HECA: variants seen among roughly 807,000 people sequenced by gnomAD.
The protein encoded by HECA is headcase protein homolog.
A neutral mutation model predicts 37.6 loss-of-function variants in HECA; 13 were observed. The ratio of observed to expected loss-of-function variants is 0.35; its 90% CI spans 0.23 to 0.55. HECA has a LOEUF of 0.55. Among genes scored for constraint, HECA ranks in the 20% least tolerant of loss-of-function variants. The pLI is 0.90. For missense variants in HECA, 527 were observed against 701.9 expected (o/e 0.75, Z 2.82); for synonymous variants, 307 against 291.5 (o/e 1.05, Z -0.54).
chr6:139,171,946 TCAGCCTCATGAGTAGCTGGGA>T, intron 2 of HECA, among the ~76,000 whole-genome samples: 1 of 151,916 alleles, frequency 6.6e-6, no homozygotes, highest in East Asian at 1.9e-4. Context: ...TTCTCCTGCC[TCAGCCTCATGAGTAGCTGGGA>T]CTACAGGCGC....
At chr6:139,148,942 G>C (rs930949082) in intron 1 of HECA, among the ~76,000 whole-genome samples, 9 of 151,976 alleles carry the variant, frequency 5.9e-5, no homozygotes, top group African/African-American at 1.9e-4. Flanking sequence ...TTTGACACTT[G>C]TAGATAAAGA....
In HECA at chr6:139,159,864, G is replaced by A. The variant is rs9495364; in HGVS notation, c.272-6420G>A. Reference sequence around the variant, plus strand: ...ACCCAACTCCCCACCTGCTTATGGTGCAGCTGTTTTAAGGGGGATAAAAAT... The same window carrying A: ...ACCCAACTCCCCACCTGCTTATGGTACAGCTGTTTTAAGGGGGATAAAAAT... On this transcript the variant is annotated intron_variant, in intron 1 of 3. Transcript: ENST00000367658. 8.3e-3 allele frequency among the ~76,000 whole-genome samples: 1,265 copies of A among 152,272 alleles called. 18 individuals are homozygous for A. The highest frequency in any genetic ancestry group is 0.029 in the African/African-American group (1,216 of 41,542).
intron 1 of HECA, among the ~76,000 whole-genome samples, chr6:139,141,899 C>T (rs946122215): frequency 6.7e-6 from 1 of 149,644 alleles, no homozygotes; most frequent in Non-Finnish European, 1.5e-5. Context: ...ACTACAGGCA[C>T]ATGCCACCAT....
intron 1 of HECA, among the ~76,000 whole-genome samples, chr6:139,149,904 T>C (rs1489264176): frequency 6.6e-6 from 1 of 152,158 alleles, no homozygotes; most frequent in Non-Finnish European, 1.5e-5. Context: ...GTCCCTGAGC[T>C]CTCCTGATTT....
At chr6:139,150,099 G>T (rs1249385275) in intron 1 of HECA, among the ~76,000 whole-genome samples, 1 of 152,202 alleles carries the variant, frequency 6.6e-6, no homozygotes, top group Non-Finnish European at 1.5e-5. Context: ...GGGCCATATG[G>T]AGTGGAAGTT....
chr6:139,171,761 G>A (rs532688288), intron 2 of HECA, among the ~76,000 whole-genome samples: 5 of 152,080 alleles, frequency 3.3e-5, no homozygotes, highest in African/African-American at 1.2e-4. Context: ...CCAGTAGCTA[G>A]GACTGTAGGC....
At position 139,176,786 on chromosome 6, in the gene HECA, G is replaced by C. The variant is rs185322070; in HGVS notation, c.1468-155G>C. Among the ~76,000 whole-genome samples the C allele has an allele frequency of 3.9e-4, 60 of 152,278 alleles. No homozygotes were observed. In the East Asian group the frequency reaches 9.1e-3, roughly 23 times the overall value. On this transcript the variant is annotated intron_variant, in intron 3 of 3. Coordinates refer to ENST00000367658, the MANE Select transcript of HECA (RefSeq NM_016217.3). The surrounding 1 kb of genome is among the most constrained non-coding windows in gnomAD (Gnocchi z 4.5). ...TGCTGCATATCAGGAGAGAAGTTGG[G>C]AGTCTTTCAGGTATACCCCGTTTCC...
At chr6:139,142,838 C>G (rs774156045) in intron 1 of HECA, among the ~76,000 whole-genome samples, 11 of 152,200 alleles carry the variant, frequency 7.2e-5, no homozygotes, top group Non-Finnish European at 1.5e-4. Context: ...ATCTCAGCTA[C>G]TCAGGAGGCT....
At chr6:139,159,441 A>G (rs1774765718) in intron 1 of HECA, among the ~76,000 whole-genome samples, 5 of 152,166 alleles carry the variant, frequency 3.3e-5, no homozygotes, top group Admixed American at 3.3e-4. Flanking sequence ...ACTTACACAT[A>G]AATGTCTTTT....
rs777701910 is a variant in HECA at position 139,167,306 on chromosome 6, G to A, written c.1294G>A (p.Val432Ile). The change falls in exon 2 of 4, where the codon GTT (valine) becomes ATT (isoleucine). Residue 432 changes from valine to isoleucine, a missense_variant. Coordinates refer to ENST00000367658, the MANE Select transcript of HECA (RefSeq NM_016217.3). The part of the protein sequence containing the change: ...PSRHDEIEYD[V>I]PCHLQGRLMH... The stretch of plus-strand genomic sequence containing the variant: ...GAGACATGATGAGATCGAATATGAT[G>A]TTCCTTGTCACCTTCAAGGTATAGG... The A allele has an allele frequency of 1.9e-6, 3 of 1,596,310 alleles. No individual in the cohort carries two copies. The highest frequency in any genetic ancestry group is 1.7e-6 in the Non-Finnish European group (2 of 1,165,666).
chr6:139,149,973 T>G (rs1774631938), intron 1 of HECA, among the ~76,000 whole-genome samples: 1 of 152,240 alleles, frequency 6.6e-6, no homozygotes, highest in Non-Finnish European at 1.5e-5. Context: ...GCCTTGTTTT[T>G]GGCCTGTTGT....
chr6:139,180,083 G>A lies in HECA; in HGVS notation c.*2978G>A, dbSNP rs1197300205. On this transcript the variant is annotated 3_prime_UTR_variant, in exon 4 of 4. Transcript: ENST00000367658. ...TAATGGGTTTATACTTTAAAAGATA[G>A]ACATGGTGCCATGAAGTTGGGGAGT... The A allele has an allele frequency of 6.6e-6, 1 of 152,146 alleles. No homozygotes were observed. The highest frequency in any genetic ancestry group is 1.5e-5 in the Non-Finnish European group (1 of 68,022). 9.4% of individuals were successfully genotyped at this position (152,146 alleles called of 1,614,324 possible).
rs1378242199 is a variant in HECA at position 139,179,212 on chromosome 6, T to TAAG, written c.*2108_*2110dup. On this transcript the variant is annotated 3_prime_UTR_variant, in exon 4 of 4. Transcript: ENST00000367658. Reference sequence around the variant, plus strand: ...TCCTGTACCCAGATGCAAAAAGTGCTAAGTTTCTCTTGTCCTCGTAATACC... The same window carrying TAAG: ...TCCTGTACCCAGATGCAAAAAGTGCTAAGAAGTTTCTCTTGTCCTCGTAATACC... 6.6e-6 allele frequency: 1 copy of TAAG among 152,228 alleles called. No homozygotes were observed. The highest frequency in any genetic ancestry group is 1.5e-5 in the Non-Finnish European group (1 of 68,038). 9.4% of individuals were successfully genotyped at this position (152,228 alleles called of 1,614,324 possible).
intron 1 of HECA, among the ~76,000 whole-genome samples, chr6:139,147,687 A>G (rs1442241286): frequency 6.6e-6 from 1 of 152,226 alleles, no homozygotes; most frequent in African/African-American, 2.4e-5. Context: ...ACTTGACCCA[A>G]GGAAGCACTT....
In HECA at chr6:139,135,131, G is replaced by C. The variant is rs898246619; in HGVS notation, c.-266G>C. ...AGACCCGCCTTTTCCCTCCGGCTCG[G>C]GAGCGTCTCGCTTGCGCCCCGGGCC... On this transcript the variant is annotated 5_prime_UTR_variant, in exon 1 of 4. Coordinates refer to ENST00000367658, the MANE Select transcript of HECA (RefSeq NM_016217.3). The C allele has an allele frequency of 6.0e-6, 1 of 168,040 alleles. No individual in the cohort carries two copies. The highest frequency in any genetic ancestry group is 1.3e-5 in the Non-Finnish European group (1 of 78,824). The allele number at this position is 168,040 out of a possible 1,614,324, so 10.4% of individuals were successfully genotyped here.
chr6:139,155,365 G>A (rs1174335619), intron 1 of HECA, among the ~76,000 whole-genome samples: 3 of 152,140 alleles, frequency 2.0e-5, no homozygotes, highest in Non-Finnish European at 4.4e-5. Flanking sequence ...GAATCTGAAG[G>A]CCTAGGACAT....
At chr6:139,172,140 T>A (rs1007116693) in intron 2 of HECA, among the ~76,000 whole-genome samples, 5 of 152,180 alleles carry the variant, frequency 3.3e-5, no homozygotes, top group Non-Finnish European at 7.3e-5. Flanking sequence ...CCTAAACTTT[T>A]TTAAGAGATG....
At chr6:139,153,385 A>G (rs1774675177) in intron 1 of HECA, 1 of 152,144 alleles carries the variant, frequency 6.6e-6, no homozygotes, top group Non-Finnish European at 1.5e-5. Flanking sequence ...TTATCGTAGT[A>G]ACTTGGTAAC....
At chr6:139,170,463 C>G (rs961172432) in intron 2 of HECA, 3 of 152,110 alleles carry the variant, frequency 2.0e-5, no homozygotes, top group African/African-American at 7.2e-5. Flanking sequence ...TGGCTTGGTT[C>G]GTAAAAAGAG....
Sources: allele counts gnomAD v4.1 joint callset (sites outside exome capture counted in the v4.1 genomes callset), GRCh38; gene constraint gnomAD v4.1.1; non-coding constraint Gnocchi (gnomAD v3.1); transcripts MANE v1.5; gene names NCBI Gene and HGNC (gene_info 2026-07-23, HGNC 2026-07-21).